ATE1: variants seen among roughly 807,000 people sequenced by gnomAD.
ATE1 encodes arginyltransferase 1.
ATE1 carries 36 observed loss-of-function variants against 70.5 expected under a neutral mutation model. That is an observed-to-expected ratio of 0.51 (90% CI 0.39 to 0.67). ATE1 has a LOEUF of 0.67. ATE1 is among the 30% of genes least tolerant of loss of function. The probability of loss-of-function intolerance (pLI) is 0.00; values close to 1 mark genes in which losing one functional copy is unlikely to be tolerated. For missense variants in ATE1, 593 were observed against 629.5 expected (o/e 0.94, Z 0.62); for synonymous variants, 232 against 219.3 (o/e 1.06, Z -0.51).
chr10:121,839,737 G>C (rs953389004), intron 9 of ATE1, among the ~76,000 whole-genome samples: 2 of 152,028 alleles, frequency 1.3e-5, no homozygotes, highest in African/African-American at 2.4e-5. Context: ...TTGGCATTAA[G>C]AAAAAAGTCA....
Position 121,923,826 on chromosome 10 carries a change from A to G in ATE1, c.170+440T>C, listed in dbSNP as rs890566381. ...TAAAAAGTAGGTAACAGGTAACATC[A>G]AAGAATTTTTATTAATTTTGTAAGG... On this transcript the variant is annotated intron_variant, in intron 2 of 11. Transcript: ENST00000224652. 1.2e-4 allele frequency among the ~76,000 whole-genome samples: 18 copies of G among 152,348 alleles called. 1 individual carries two copies. The South Asian group carries it at 3.5e-3, about 30-fold the overall frequency.
intron 8 of ATE1, among the ~76,000 whole-genome samples, chr10:121,845,651 T>G (rs1206784590): frequency 1.3e-5 from 2 of 152,188 alleles, no homozygotes; most frequent in Non-Finnish European, 2.9e-5. Flanking sequence ...GGTTAACAAT[T>G]CTGATACTTC....
chr10:121,793,277 G>A (rs1946526750), intron 10 of ATE1, among the ~76,000 whole-genome samples: 1 of 152,164 alleles, frequency 6.6e-6, no homozygotes, highest in African/African-American at 2.4e-5. Context: ...ACAAGTTTTG[G>A]TAAGGATTTG....
At chr10:121,817,315 C>T (rs924701177) in intron 10 of ATE1, among the ~76,000 whole-genome samples, 9 of 152,236 alleles carry the variant, frequency 5.9e-5, no homozygotes, top group Admixed American at 1.3e-4. Flanking sequence ...CCAAGGCGGG[C>T]GGATCACAAG....
chr10:121,879,156 C>CAAG (rs35328398), intron 7 of ATE1, among the ~76,000 whole-genome samples: 20,019 of 152,096 alleles, frequency 0.13, 1,504 homozygotes, highest in East Asian at 0.19. Context: ...CAGAAATCAT[C>CAAG]AAGACAGATG....
rs1213343179 is a variant in ATE1, at chr10:121,925,439, A to AAAAG, written c.107-1114_107-1111dup. On this transcript the variant is annotated intron_variant, in intron 1 of 11. Coordinates refer to ENST00000224652, the MANE Select transcript of ATE1 (RefSeq NM_001001976.3). Reference sequence around the variant, plus strand: ...TGAAGCTCTGTCTCAAAAAAAAAAAAAAAGAAAGAAAGAAAGAAAGTAACT... The same window carrying AAAAG: ...TGAAGCTCTGTCTCAAAAAAAAAAAAAAAGAAAGAAAGAAAGAAAGAAAGTAACT... Among the ~76,000 whole-genome samples the AAAAG allele has an allele frequency of 1.9e-3, 293 of 151,934 alleles. 3 individuals are homozygous for AAAAG. Among genetic ancestry groups the AAAAG allele is most frequent in the Middle Eastern group, 0.014 (4 of 292 alleles).
chr10:121,802,274 G>A (rs769963522), intron 10 of ATE1, among the ~76,000 whole-genome samples: 1 of 150,590 alleles, frequency 6.6e-6, no homozygotes, highest in Non-Finnish European at 1.5e-5. Context: ...GCTATCTTCT[G>A]CCTGGCAAGG....
At chr10:121,924,932 C>T (rs573052736) in intron 1 of ATE1, among the ~76,000 whole-genome samples, 1 of 152,282 alleles carries the variant, frequency 6.6e-6, no homozygotes, top group South Asian at 2.1e-4. Flanking sequence ...TCACTGCAAT[C>T]AGACTGCATC....
At chr10:121,847,569 T>A (rs1043575603) in intron 8 of ATE1, among the ~76,000 whole-genome samples, 3 of 149,148 alleles carry the variant, frequency 2.0e-5, no homozygotes, top group African/African-American at 7.5e-5. Context: ...ATCATCCTGG[T>A]CAACACAGTG....
chr10:121,781,108 A>G (rs531833602), intron 11 of ATE1, among the ~76,000 whole-genome samples: 4 of 151,072 alleles, frequency 2.6e-5, no homozygotes, highest in Non-Finnish European at 5.9e-5. Flanking sequence ...TTGGGTCCTT[A>G]CTCTTCTTGG....
At chr10:121,808,890 T>C (rs1274831157) in intron 10 of ATE1, among the ~76,000 whole-genome samples, 1 of 152,228 alleles carries the variant, frequency 6.6e-6, no homozygotes, top group Admixed American at 6.5e-5. Context: ...CAAAGTCGTA[T>C]CTCTGAACTT....
intron 5 of ATE1, among the ~76,000 whole-genome samples, chr10:121,904,692 T>A (rs1332766743): frequency 2.6e-5 from 2 of 77,612 alleles, no homozygotes; most frequent in African/African-American, 5.7e-5. Context: ...ACAAACCATA[T>A]CAAAGTCAGC....
chr10:121,897,227 A>T (rs1950815315), intron 7 of ATE1, among the ~76,000 whole-genome samples: 1 of 152,200 alleles, frequency 6.6e-6, no homozygotes, highest in Non-Finnish European at 1.5e-5. Context: ...CAGAGGCCTG[A>T]AGCCTACTAG....
intron 11 of ATE1, among the ~76,000 whole-genome samples, chr10:121,760,422 G>C (rs1944991304): frequency 6.6e-6 from 1 of 152,206 alleles, no homozygotes; most frequent in Admixed American, 6.5e-5. Context: ...AACATTAACA[G>C]ACATTTGGAC....
chr10:121,903,769 T>A (rs1951077403), intron 5 of ATE1, among the ~76,000 whole-genome samples: 1 of 152,128 alleles, frequency 6.6e-6, no homozygotes, highest in Non-Finnish European at 1.5e-5. Context: ...TCTCATTAGT[T>A]CAGCTGTAGT....
intron 3 of ATE1, among the ~76,000 whole-genome samples, chr10:121,921,237 C>G (rs963706822): frequency 9.2e-5 from 14 of 151,940 alleles, no homozygotes; most frequent in African/African-American, 2.9e-4. Flanking sequence ...CCCTCCTCCT[C>G]TAGTAGTCTC....
chr10:121,902,666 A>G, intron 5 of ATE1, 46 bp from the exon 6 acceptor site: 2 of 1,532,524 alleles, frequency 1.3e-6, no homozygotes. Flanking sequence ...TTGGTTCTAG[A>G]AAAGTTTTTT....
chr10:121,911,529 C>A (rs565423126), intron 4 of ATE1, among the ~76,000 whole-genome samples: 1 of 152,124 alleles, frequency 6.6e-6, no homozygotes, highest in African/African-American at 2.4e-5. Context: ...CAAGCTCCTG[C>A]CAACAGAACA....
chr10:121,846,700 C>CTAAATGAA (rs559921558), intron 8 of ATE1: 1 of 148,110 alleles, frequency 6.8e-6, no homozygotes, highest in East Asian at 2.0e-4. Flanking sequence ...ACTAGCCTGC[C>CTAAATGAA]TAAATAAATA....
Sources: allele counts gnomAD v4.1 joint callset (sites outside exome capture counted in the v4.1 genomes callset), GRCh38; gene constraint gnomAD v4.1.1; transcripts MANE v1.5; gene names NCBI Gene and HGNC (gene_info 2026-07-23, HGNC 2026-07-21).